NELL1: variants seen among roughly 807,000 people sequenced by gnomAD.
NELL1 encodes protein kinase C-binding protein NELL1.
Under a neutral mutation model 107.4 loss-of-function variants are expected in NELL1, and 76 were observed. That is an observed-to-expected ratio of 0.71 (90% CI 0.59 to 0.86). NELL1 has a LOEUF of 0.86. Ranked by LOEUF, NELL1 falls within the 40% of genes least tolerant of loss-of-function variation. The pLI is 0.00. For missense variants in NELL1, 1,024 were observed against 1,005.5 expected (o/e 1.02, Z -0.25); for synonymous variants, 353 against 341.2 (o/e 1.03, Z -0.38).
In NELL1 at chr11:21,232,156, A is replaced by AAT. The variant is rs1554985107; in HGVS notation, c.1549+2703_1549+2704insTA. Among the ~76,000 whole-genome samples, 376 of 62,094 alleles carry AAT rather than the reference A, an allele frequency of 6.1e-3. 3 individuals are homozygous for AAT. The highest frequency in any genetic ancestry group is 0.025 in the African/African-American group (354 of 14,390). 40.7% of individuals were successfully genotyped at this position (62,094 alleles called of 152,430 possible). ...CTCTACTAAAAAAAAATAAAAAAAA[A>AAT]AAAATATATATATATATATATAAAT... On this transcript the variant is annotated intron_variant, in intron 14 of 19. Transcript: ENST00000357134.
At chr11:20,687,778 A>G (rs1053711372) in intron 2 of NELL1, among the ~76,000 whole-genome samples, 1 of 151,952 alleles carries the variant, frequency 6.6e-6, no homozygotes, top group Non-Finnish European at 1.5e-5. Flanking sequence ...TTTTTAGTAG[A>G]GACAGGGTTT....
chr11:21,390,387 T>A (rs996541764), intron 15 of NELL1, among the ~76,000 whole-genome samples: 10 of 144,258 alleles, frequency 6.9e-5, no homozygotes, highest in African/African-American at 2.0e-4. Context: ...ATAATAATAA[T>A]AAATAATATA....
At chr11:20,915,149 T>C (rs1850218011) in intron 5 of NELL1, among the ~76,000 whole-genome samples, 1 of 152,074 alleles carries the variant, frequency 6.6e-6, no homozygotes, top group Admixed American at 6.6e-5. Flanking sequence ...CTAGTAATTC[T>C]GTTGGGTTTT....
chr11:20,911,386 G>C (rs1850127897), intron 5 of NELL1, among the ~76,000 whole-genome samples: 1 of 152,012 alleles, frequency 6.6e-6, no homozygotes, highest in South Asian at 2.1e-4. Flanking sequence ...GTGTAGGTCA[G>C]GCAATTGGAC....
At chr11:20,755,546 T>TG (rs1299733045) in intron 2 of NELL1, among the ~76,000 whole-genome samples, 2 of 45,532 alleles carry the variant, frequency 4.4e-5, no homozygotes, top group African/African-American at 1.2e-4. Flanking sequence ...TTTTGTTTTT[T>TG]TTTGTTTTTG....
chr11:21,200,493 T>C (rs1857244867), intron 13 of NELL1, among the ~76,000 whole-genome samples: 1 of 152,196 alleles, frequency 6.6e-6, no homozygotes, highest in Non-Finnish European at 1.5e-5. Context: ...ATTTTTTTTC[T>C]TGTAAATTTG....
intron 13 of NELL1, among the ~76,000 whole-genome samples, chr11:21,119,386 GAA>G (rs5790163): frequency 0.012 from 1,580 of 129,156 alleles, 28 homozygotes; most frequent in African/African-American, 0.04. Context: ...GCTAAAAATT[GAA>G]AAAAAAAAAA....
intron 16 of NELL1, among the ~76,000 whole-genome samples, chr11:21,540,784 A>G (rs1472760008): frequency 1.3e-5 from 2 of 152,090 alleles, no homozygotes; most frequent in Non-Finnish European, 2.9e-5. Context: ...CCCTCCTCCA[A>G]CACTGGAGAT....
chr11:21,458,899 C>G (rs1853821873), intron 15 of NELL1, among the ~76,000 whole-genome samples: 1 of 150,682 alleles, frequency 6.6e-6, no homozygotes, highest in Non-Finnish European at 1.5e-5. Flanking sequence ...CCATCACCAT[C>G]ATCATTTTCA....
chr11:20,936,578 G>A lies in NELL1; in HGVS notation c.998-1208G>A, dbSNP rs375137918. On this transcript the variant is annotated intron_variant, in intron 9 of 19. Coordinates refer to ENST00000357134, the MANE Select transcript of NELL1 (RefSeq NM_006157.5). ...CCCCTCAACATCGAAGGGGGTCTAG[G>A]TTCTTTATCTGCAAACACAGCACTT... Among the ~76,000 whole-genome samples, 27 of 152,242 alleles carry A rather than the reference G, an allele frequency of 1.8e-4. No homozygotes were observed. In the East Asian group the frequency reaches 3.3e-3, roughly 18 times the overall value.
intron 16 of NELL1, among the ~76,000 whole-genome samples, chr11:21,559,015 C>G (rs539759868): frequency 1.3e-5 from 2 of 152,010 alleles, no homozygotes; most frequent in Non-Finnish European, 2.9e-5. Flanking sequence ...GGGATCTTTT[C>G]TATAATTTTC....
intron 17 of NELL1, among the ~76,000 whole-genome samples, chr11:21,567,653 C>G (rs1011467019): frequency 6.6e-6 from 1 of 151,802 alleles, no homozygotes; most frequent in African/African-American, 2.4e-5. Context: ...TTTAAGGTTT[C>G]CACTTTAGCT....
At chr11:21,113,205 C>G (rs1855147109) in intron 12 of NELL1, among the ~76,000 whole-genome samples, 1 of 151,834 alleles carries the variant, frequency 6.6e-6, no homozygotes, top group Admixed American at 6.6e-5. Context: ...TCCCTTGATC[C>G]CTCTGATAAA....
At chr11:20,939,548 A>G (rs900311554) in intron 10 of NELL1, among the ~76,000 whole-genome samples, 6 of 152,158 alleles carry the variant, frequency 3.9e-5, no homozygotes, top group African/African-American at 1.4e-4. Context: ...TGATTAGCAA[A>G]GTTTGGATCA....
intron 15 of NELL1, among the ~76,000 whole-genome samples, chr11:21,393,127 G>A (rs905800748): frequency 4.0e-5 from 6 of 151,632 alleles, no homozygotes; most frequent in African/African-American, 1.5e-4. Flanking sequence ...ATGGGAAATG[G>A]TAAAGGGAAA....
At chr11:21,482,550 T>C (rs1047848089) in intron 15 of NELL1, among the ~76,000 whole-genome samples, 1 of 152,184 alleles carries the variant, frequency 6.6e-6, no homozygotes, top group South Asian at 2.1e-4. Context: ...GTACATGACA[T>C]GTACTAATAG....
chr11:21,380,240 T>C (rs186600811), intron 15 of NELL1, among the ~76,000 whole-genome samples: 47 of 152,176 alleles, frequency 3.1e-4, no homozygotes, highest in African/African-American at 1.0e-3. Flanking sequence ...TATGGCATCA[T>C]TGAAAAAGAG....
chr11:21,115,987 T>C (rs1427440922), intron 13 of NELL1, among the ~76,000 whole-genome samples: 2 of 151,986 alleles, frequency 1.3e-5, no homozygotes, highest in East Asian at 1.9e-4. Context: ...TTTCTGCTTT[T>C]CCTCACAACA....
At chr11:20,847,303 T>G (rs534944784) in intron 3 of NELL1, among the ~76,000 whole-genome samples, 47 of 152,298 alleles carry the variant, frequency 3.1e-4, no homozygotes, top group Admixed American at 9.8e-4. Flanking sequence ...TTGAAGTATT[T>G]AAGAAACACT....
Sources: allele counts gnomAD v4.1 joint callset (sites outside exome capture counted in the v4.1 genomes callset), GRCh38; gene constraint gnomAD v4.1.1; transcripts MANE v1.5; gene names NCBI Gene and HGNC (gene_info 2026-07-23, HGNC 2026-07-21).